Variants in PROS1 observed in about 807,000 individuals in gnomAD.
PROS1 encodes protein S, also known as vitamin K-dependent protein S.
In PROS1, 29 loss-of-function variants were observed where a neutral mutation model predicts 75.9. The ratio of observed to expected loss-of-function variants is 0.38; its 90% CI spans 0.28 to 0.52. PROS1 has a LOEUF of 0.52. PROS1 is among the 20% of genes least tolerant of loss of function. The pLI, the probability that PROS1 is intolerant of heterozygous loss-of-function variation, is 0.83. For synonymous variants in PROS1, 245 were observed against 280.6 expected, an observed-to-expected ratio of 0.87 and a Z score of 1.27; for missense variants, 680 against 810.3, an observed-to-expected ratio of 0.84 and a Z score of 1.95.
chr3:93,901,081 A>G, intron 6 of PROS1, 152 bp from the exon 7 acceptor site: 3 of 760,864 alleles, frequency 3.9e-6, no homozygotes, highest in South Asian at 1.8e-5. Flanking sequence ...ATCTATCATC[A>G]TATGTTAGCT....
chr3:93,930,863 T>G (rs563121439), intron 1 of PROS1, among the ~76,000 whole-genome samples: 2 of 152,216 alleles, frequency 1.3e-5, no homozygotes, highest in East Asian at 3.8e-4. Flanking sequence ...CTCTCAGACC[T>G]GCAATCCATT....
intron 1 of PROS1, among the ~76,000 whole-genome samples, chr3:93,964,887 C>T (rs1005608131): frequency 1.3e-5 from 2 of 152,078 alleles, no homozygotes; most frequent in African/African-American, 4.8e-5. Context: ...ATAGAAAGAA[C>T]CTATGTTGAA....
chr3:93,944,230 A>G (rs1383301577), intron 1 of PROS1, among the ~76,000 whole-genome samples: 1 of 152,236 alleles, frequency 6.6e-6, no homozygotes, highest in East Asian at 1.9e-4. Flanking sequence ...TACACCTGCC[A>G]CCTAAAACTA....
chr3:93,934,008 CAA>C (rs60441503), intron 1 of PROS1, among the ~76,000 whole-genome samples: 160 of 88,522 alleles, frequency 1.8e-3, no homozygotes, highest in East Asian at 3.8e-3. Flanking sequence ...GACTCTGTCT[CAA>C]AAAAAAAAAA....
intron 1 of PROS1, among the ~76,000 whole-genome samples, chr3:93,951,061 A>C (rs769077387): frequency 1.2e-4 from 19 of 152,204 alleles, no homozygotes; most frequent in Non-Finnish European, 2.1e-4. Context: ...AGTAAAAATA[A>C]ATGAAGAAAG....
chr3:93,936,668 A>C (rs1324115737), intron 1 of PROS1, among the ~76,000 whole-genome samples: 1 of 152,152 alleles, frequency 6.6e-6, no homozygotes, highest in Non-Finnish European at 1.5e-5. Context: ...ACTGCAAGAA[A>C]ATAAATTTCT....
chr3:93,927,220 G>T, intron 2 of PROS1, 30 bp downstream of exon 2: 1 of 1,611,732 alleles, frequency 6.2e-7, no homozygotes, highest in Non-Finnish European at 8.5e-7. Context: ...GTCTAGATGT[G>T]TGAACTTGAT....
At position 93,873,427 on chromosome 3, in the gene PROS1, G is replaced by A. The variant is rs1708137385; in HGVS notation, c.*818C>T. On this transcript the variant is annotated 3_prime_UTR_variant, in exon 15 of 15. Transcript: ENST00000394236. ...TGGCAACTTACTCTGGTAATTAAAAGTTGGATTCAAGGAAAACTATGAACT... is the reference window on the plus strand; with the variant it reads ...TGGCAACTTACTCTGGTAATTAAAAATTGGATTCAAGGAAAACTATGAACT... 1 of 152,122 alleles carries A rather than the reference G, an allele frequency of 6.6e-6. No homozygotes were observed. Among genetic ancestry groups the A allele is most frequent in the African/African-American group, 2.4e-5 (1 of 41,410 alleles). 9.4% of individuals were successfully genotyped at this position (152,122 alleles called of 1,614,324 possible). A position where few individuals can be genotyped will look rare whatever the true frequency, so the allele number is the denominator to read the frequency against.
chr3:93,911,000 T>C (rs965288713), intron 3 of PROS1: 1 of 369,416 alleles, frequency 2.7e-6, no homozygotes, highest in African/African-American at 2.1e-5. Flanking sequence ...TAGAAATTTA[T>C]TGTCATATAA....
At chr3:93,967,717 C>T (rs1709812188) in intron 1 of PROS1, among the ~76,000 whole-genome samples, 1 of 152,030 alleles carries the variant, frequency 6.6e-6, no homozygotes, top group Admixed American at 6.6e-5. Flanking sequence ...AAGATCTCAT[C>T]TCTACTAAAA....
chr3:93,944,504 C>T (rs1179024018), intron 1 of PROS1, among the ~76,000 whole-genome samples: 1 of 152,170 alleles, frequency 6.6e-6, no homozygotes, highest in African/African-American at 2.4e-5. Flanking sequence ...AAGAAACTCA[C>T]TCAAAACCAC....
At chr3:93,932,108 T>A (rs147117396) in intron 1 of PROS1, among the ~76,000 whole-genome samples, 2 of 152,354 alleles carry the variant, frequency 1.3e-5, no homozygotes, top group African/African-American at 4.8e-5. Flanking sequence ...AAAGTTCTTC[T>A]GCCCAAAAAT....
intron 4 of PROS1, among the ~76,000 whole-genome samples, chr3:93,908,508 A>AAG (rs1201709563): frequency 6.6e-6 from 1 of 152,160 alleles, no homozygotes; most frequent in Non-Finnish European, 1.5e-5. Flanking sequence ...TGTGTATGGA[A>AAG]AGAGAGAGAG....
intron 1 of PROS1, chr3:93,928,779 T>C (rs1709064732): frequency 2.1e-5 from 27 of 1,281,280 alleles, no homozygotes; most frequent in Non-Finnish European, 2.8e-5. Flanking sequence ...TATAAAATCA[T>C]TTCTAAAATA....
intron 1 of PROS1, among the ~76,000 whole-genome samples, chr3:93,956,567 C>CACAA (rs1271823937): frequency 2.0e-5 from 3 of 148,108 alleles, no homozygotes; most frequent in East Asian, 3.9e-4. Context: ...CACACAAACA[C>CACAA]ACACACACAC....
intron 1 of PROS1, among the ~76,000 whole-genome samples, chr3:93,943,549 C>T (rs1325118878): frequency 6.6e-6 from 1 of 152,102 alleles, no homozygotes; most frequent in Non-Finnish European, 1.5e-5. Context: ...CCCACATTGC[C>T]CCTAATCCCA....
chr3:93,927,499 C>T (rs552318251), intron 1 of PROS1, 92 bp from the exon 2 acceptor site: 2 of 1,359,378 alleles, frequency 1.5e-6, no homozygotes, highest in South Asian at 1.3e-5. Flanking sequence ...TCATTTTCTG[C>T]CTATGAATTG....
At chr3:93,940,689 G>T (rs528822753) in intron 1 of PROS1, among the ~76,000 whole-genome samples, 115 of 151,972 alleles carry the variant, frequency 7.6e-4, no homozygotes, top group African/African-American at 2.7e-3. Context: ...CCTGGCAACT[G>T]ATCACATGTC....
At chr3:93,940,243 C>T (rs1005204477) in intron 1 of PROS1, among the ~76,000 whole-genome samples, 26 of 152,190 alleles carry the variant, frequency 1.7e-4, no homozygotes, top group African/African-American at 5.8e-4. Context: ...CGGATTGACG[C>T]CTTCCCAGAT....
Sources: gnomAD v4.1 joint callset for allele counts (sites outside exome capture counted in the v4.1 genomes callset) on GRCh38, gnomAD v4.1.1 for gene constraint, MANE v1.5 for transcripts, NCBI Gene and HGNC (gene_info 2026-07-23, HGNC 2026-07-21) for gene names.